BBS9: variants seen among roughly 807,000 people sequenced by gnomAD.
BBS9 encodes Bardet-Biedl syndrome 9, also known as protein PTHB1.
A neutral mutation model predicts 117.7 loss-of-function variants in BBS9; 89 were observed. The ratio of observed to expected loss-of-function variants is 0.76; its 90% CI spans 0.64 to 0.90. The LOEUF (loss-of-function observed/expected upper bound fraction) is 0.90. Among genes scored for constraint, BBS9 ranks in the 40% least tolerant of loss-of-function variants. The pLI is 0.00. For synonymous variants in BBS9, 379 were observed against 370.9 expected (o/e 1.02, Z -0.25); for missense variants, 982 against 1,042.2 (o/e 0.94, Z 0.80).
At chr7:33,575,136 A>T (rs377061320) in intron 21 of BBS9, among the ~76,000 whole-genome samples, 27 of 152,144 alleles carry the variant, frequency 1.8e-4, no homozygotes, top group African/African-American at 6.0e-4. Flanking sequence ...GAAATGATTT[A>T]AAAAAAGATA....
At chr7:33,152,364 T>C (rs927166622) in intron 2 of BBS9, among the ~76,000 whole-genome samples, 5 of 152,170 alleles carry the variant, frequency 3.3e-5, no homozygotes, top group African/African-American at 1.2e-4. Context: ...GCCTCTATGA[T>C]GGAATCAGTT....
intron 1 of BBS9, among the ~76,000 whole-genome samples, chr7:33,144,436 T>C (rs1438275178): frequency 1.3e-5 from 2 of 152,236 alleles, no homozygotes; most frequent in Admixed American, 6.5e-5. Flanking sequence ...GCGATGCTTT[T>C]GTGGTCATTT....
rs576192226 is a variant in BBS9 at position 33,143,898 on chromosome 7, C to T, written c.-11-2344C>T. On this transcript the variant is annotated intron_variant, in intron 1 of 22. Transcript: ENST00000242067. ...TATCTTCTTTGGAGATGTGTCTGTT[C>T]AGGTTCTTTTGCCCATTTTTTAATG... Among the ~76,000 whole-genome samples the T allele has an allele frequency of 1.1e-3, 127 of 119,080 alleles. 6 individuals carry two copies. Among genetic ancestry groups the T allele is most frequent in the African/African-American group, 3.5e-3 (124 of 35,738 alleles). The allele number at this position is 119,080 out of a possible 152,430, so 78.1% of individuals were successfully genotyped here.
chr7:33,405,277 T>C (rs1829715664), intron 19 of BBS9, among the ~76,000 whole-genome samples: 1 of 152,198 alleles, frequency 6.6e-6, no homozygotes, highest in Admixed American at 6.5e-5. Flanking sequence ...TGCATCAATG[T>C]TCATCAAGGA....
At chr7:33,484,075 G>A (rs1435040959) in intron 19 of BBS9, among the ~76,000 whole-genome samples, 1 of 152,212 alleles carries the variant, frequency 6.6e-6, no homozygotes, top group Non-Finnish European at 1.5e-5. Context: ...GTTCTGAAAT[G>A]TGACTTATTG....
In BBS9 at chr7:33,502,254, G is replaced by A. The variant is rs117760646; in HGVS notation, c.2116-3209G>A. On this transcript the variant is annotated intron_variant, in intron 19 of 22. Transcript: ENST00000242067. The stretch of plus-strand genomic sequence containing the variant: ...ACATTTCAGATACCTCTTCTCATTG[G>A]TGTGCTAGTAAATAGCTCTCTGGGG... Among the ~76,000 whole-genome samples the A allele has an allele frequency of 9.0e-3, 1,377 of 152,164 alleles. 9 individuals are homozygous for A. Among genetic ancestry groups the A allele is most frequent in the Non-Finnish European group, 0.015 (1,022 of 68,014 alleles).
intron 5 of BBS9, among the ~76,000 whole-genome samples, chr7:33,178,656 A>G (rs1797674716): frequency 6.6e-6 from 1 of 152,108 alleles, no homozygotes; most frequent in Admixed American, 6.5e-5. Flanking sequence ...ATTTTATAAT[A>G]TCTTAGCTCT....
intron 17 of BBS9, among the ~76,000 whole-genome samples, chr7:33,375,361 T>C (rs193273154): frequency 8.8e-4 from 134 of 152,224 alleles, no homozygotes; most frequent in Middle Eastern, 3.4e-3. Flanking sequence ...TGTTATATTA[T>C]AAATAGAAAA....
intron 6 of BBS9, among the ~76,000 whole-genome samples, chr7:33,262,590 A>G (rs951887990): frequency 2.0e-5 from 3 of 152,182 alleles, no homozygotes; most frequent in East Asian, 1.9e-4. Context: ...CTCAGATGGT[A>G]TAGAGAGATT....
intron 9 of BBS9, among the ~76,000 whole-genome samples, chr7:33,321,043 C>T (rs954507221): frequency 2.0e-5 from 3 of 152,020 alleles, no homozygotes; most frequent in Middle Eastern, 3.4e-3. Context: ...ACTGTAAATA[C>T]ATTCATCTAC....
intron 19 of BBS9, among the ~76,000 whole-genome samples, chr7:33,412,610 A>G (rs772412515): frequency 3.3e-5 from 5 of 152,196 alleles, no homozygotes; most frequent in Non-Finnish European, 5.9e-5. Flanking sequence ...TTAACTATCA[A>G]GTTGTTTTGG....
At chr7:33,146,410 A>G in intron 2 of BBS9, 46 bp downstream of exon 2, 2 of 1,483,114 alleles carry the variant, frequency 1.3e-6, no homozygotes, top group East Asian at 2.3e-5. Context: ...TTTTAAAGAG[A>G]TCAAATAAGA....
chr7:33,449,194 T>C (rs1473908253), intron 19 of BBS9, among the ~76,000 whole-genome samples: 1 of 152,188 alleles, frequency 6.6e-6, no homozygotes, highest in African/African-American at 2.4e-5. Flanking sequence ...TTTTTGCTGC[T>C]ACTTTAGCTG....
chr7:33,141,026 A>G (rs1322177927), intron 1 of BBS9, among the ~76,000 whole-genome samples: 1 of 152,218 alleles, frequency 6.6e-6, no homozygotes, highest in Non-Finnish European at 1.5e-5. Flanking sequence ...TGCAAAAATA[A>G]TGGTTTCCCA....
chr7:33,194,381 T>A (rs1349937896), intron 5 of BBS9, among the ~76,000 whole-genome samples: 1 of 152,222 alleles, frequency 6.6e-6, no homozygotes, highest in African/African-American at 2.4e-5. Context: ...TGGAAACATC[T>A]GCTTTATGGT....
At chr7:33,375,053 A>C (rs1282229107) in intron 17 of BBS9, among the ~76,000 whole-genome samples, 1 of 152,240 alleles carries the variant, frequency 6.6e-6, no homozygotes, top group African/African-American at 2.4e-5. Flanking sequence ...ATACGAATAC[A>C]AGCATTATAC....
At chr7:33,256,354 A>C (rs1057357359) in intron 5 of BBS9, among the ~76,000 whole-genome samples, 8 of 152,226 alleles carry the variant, frequency 5.3e-5, no homozygotes, top group Admixed American at 1.3e-4. Context: ...GTGAACATTC[A>C]TTCACAGACA....
At chr7:33,452,350 A>C (rs1157041071) in intron 19 of BBS9, among the ~76,000 whole-genome samples, 1 of 151,932 alleles carries the variant, frequency 6.6e-6, no homozygotes. Flanking sequence ...CCACAATGAC[A>C]CTCTCTTTTT....
At chr7:33,524,509 T>C (rs1849161605) in intron 20 of BBS9, among the ~76,000 whole-genome samples, 1 of 152,246 alleles carries the variant, frequency 6.6e-6, no homozygotes, top group Admixed American at 6.5e-5. Context: ...TTTATCCATT[T>C]CTTCTAGATT....
Sources: gnomAD v4.1 joint callset for allele counts (sites outside exome capture counted in the v4.1 genomes callset) on GRCh38, gnomAD v4.1.1 for gene constraint, MANE v1.5 for transcripts, NCBI Gene and HGNC (gene_info 2026-07-23, HGNC 2026-07-21) for gene names.